Variants in PKHD1L1 observed in about 807,000 individuals in gnomAD.
PKHD1L1 encodes the protein PKHD1 like 1.
A neutral mutation model predicts 462.9 loss-of-function variants in PKHD1L1; 434 were observed. The observed-to-expected ratio is 0.94, with a 90% CI of 0.87 to 1.02. The LOEUF is 1.02. Ranked by LOEUF, PKHD1L1 falls within the 50% of genes least tolerant of loss-of-function variation. The pLI, the probability that PKHD1L1 is intolerant of heterozygous loss-of-function variation, is 0.00. For synonymous variants in PKHD1L1, 1,781 were observed against 1,750.0 expected (o/e 1.02, Z -0.44); for missense variants, 5,202 against 5,096.1 (o/e 1.02, Z -0.63).
At chr8:109,474,986 T>G in intron 50 of PKHD1L1, 132 bp from the exon 51 acceptor site, 1 of 685,796 alleles carries the variant, frequency 1.5e-6, no homozygotes, top group Non-Finnish European at 2.3e-6. Flanking sequence ...TGTCATAGAC[T>G]AAACCAATAT....
chr8:109,420,530 G>A lies in PKHD1L1; in HGVS notation c.2537G>A (p.Arg846Lys). ...TTATATTCTTTAGAAATGCCCAAGA[G>A]AAGACTTCCTGCATTAGCAAATAAA... ...TISTLDEMPK[R>K]RLPALANKGI... The change falls in exon 23 of 78, where the codon AGA becomes AAA. Residue 846 changes from arginine (R) to lysine (K), a missense_variant. Physicochemically the swap from Arg to Lys is conservative, Grantham distance 26. Coordinates refer to ENST00000378402, the MANE Select transcript of PKHD1L1 (RefSeq NM_177531.6). 1.9e-6 allele frequency: 3 copies of A among 1,583,354 alleles called. No individual in the cohort carries two copies. Among genetic ancestry groups the A allele is most frequent in the Non-Finnish European group, 2.6e-6 (3 of 1,168,562 alleles).
chr8:109,382,657 A>G (rs1812187465), intron 4 of PKHD1L1, 86 bp downstream of exon 4: 2 of 986,978 alleles, frequency 2.0e-6, no homozygotes, highest in African/African-American at 3.4e-5. Context: ...TTAGTTTTAT[A>G]GACTATTTCC....
chr8:109,483,231 G>T, intron 57 of PKHD1L1, 126 bp downstream of exon 57: 2 of 668,040 alleles, frequency 3.0e-6, no homozygotes, highest in Non-Finnish European at 4.5e-6. Flanking sequence ...TGTGTATTTT[G>T]CAATAAGCTT....
intron 23 of PKHD1L1, among the ~76,000 whole-genome samples, chr8:109,421,767 G>A (rs1814485515): frequency 6.6e-6 from 1 of 151,962 alleles, no homozygotes; most frequent in African/African-American, 2.4e-5. Context: ...CTCGGCGACA[G>A]AGCGAGACTC....
At chr8:109,444,115 T>TCCC (rs112180968) in intron 37 of PKHD1L1, among the ~76,000 whole-genome samples, 7 of 126,808 alleles carry the variant, frequency 5.5e-5, no homozygotes, top group African/African-American at 2.0e-4. Context: ...TTTCATTACC[T>TCCC]CCCCCCCCCA....
chr8:109,506,574 A>G (rs899364402), intron 68 of PKHD1L1, among the ~76,000 whole-genome samples: 1 of 152,220 alleles, frequency 6.6e-6, no homozygotes, highest in South Asian at 2.1e-4. Context: ...AAGAGCCCAA[A>G]GCCACAACAT....
intron 32 of PKHD1L1, among the ~76,000 whole-genome samples, chr8:109,440,476 T>A (rs1815714776): frequency 6.6e-6 from 1 of 152,128 alleles, no homozygotes. Flanking sequence ...CATCTCAAAT[T>A]CTTCTGCCAT....
rs866115531 is a variant in PKHD1L1 at position 109,526,724 on chromosome 8, C to T, written c.12485-60C>T. 22 of 1,346,662 alleles carry T rather than the reference C, an allele frequency of 1.6e-5. No individual in the cohort carries two copies. In the South Asian group the frequency reaches 2.1e-4, roughly 13 times the overall value. 83.4% of individuals were successfully genotyped at this position (1,346,662 alleles called of 1,614,324 possible). A position where few individuals can be genotyped will look rare whatever the true frequency, so the allele number is the denominator to read the frequency against. On this transcript the variant is annotated intron_variant, in intron 76 of 77. Coordinates refer to ENST00000378402, the MANE Select transcript of PKHD1L1 (RefSeq NM_177531.6). ...TCAGTCAATGAAAATCAAATGGGAACGGTATGAAAACAAGTAAAACATAAA... is the reference window on the plus strand; with the variant it reads ...TCAGTCAATGAAAATCAAATGGGAATGGTATGAAAACAAGTAAAACATAAA...
At chr8:109,450,129 G>A (rs1563579) in intron 40 of PKHD1L1, among the ~76,000 whole-genome samples, 104,792 of 152,072 alleles carry the variant, frequency 0.69, 37,631 homozygotes, top group African/African-American at 0.9. Context: ...AACCCTAGCC[G>A]AGTAACTTCT....
At chr8:109,428,202 T>C (rs1814880697) in intron 25 of PKHD1L1, among the ~76,000 whole-genome samples, 2 of 152,126 alleles carry the variant, frequency 1.3e-5, no homozygotes, top group African/African-American at 4.8e-5. Context: ...TATATAACTC[T>C]ATTCTACTGA....
intron 46 of PKHD1L1, among the ~76,000 whole-genome samples, chr8:109,457,142 T>C (rs1423010836): frequency 6.6e-6 from 1 of 152,138 alleles, no homozygotes; most frequent in African/African-American, 2.4e-5. Context: ...TTGTGATTAT[T>C]AGGAAATGAA....
In PKHD1L1 at chr8:109,522,197, T is replaced by C. The variant is rs768577771; in HGVS notation, c.12043T>C (p.Leu4015=). 1 of 1,600,592 alleles carries C rather than the reference T, an allele frequency of 6.2e-7. No homozygotes were observed. Among genetic ancestry groups the C allele is most frequent in the Non-Finnish European group, 8.6e-7 (1 of 1,169,054 alleles). Residue 4015 remains leucine (L), a synonymous_variant, in exon 74 of 78, where the codon TTA becomes CTA. Coordinates refer to ENST00000378402, the MANE Select transcript of PKHD1L1 (RefSeq NM_177531.6). Reference sequence around the variant, plus strand: ...ACTTTTCCCCATAGGTCAGATGCAGTTATCTGAACTCCAGGAAATTGCTGG... The same window carrying C: ...ACTTTTCCCCATAGGTCAGATGCAGCTATCTGAACTCCAGGAAATTGCTGG... ...ISNGTTGQMQ[L]SELQEIAGSL...
intron 47 of PKHD1L1, 120 bp from the exon 48 acceptor site, chr8:109,461,652 T>A: frequency 9.5e-7 from 1 of 1,056,964 alleles, no homozygotes; most frequent in Non-Finnish European, 1.3e-6. Flanking sequence ...CAAATAACTA[T>A]GTTCTAGGAT....
At chr8:109,491,182 A>G (rs1430081423) in intron 61 of PKHD1L1, 81 bp downstream of exon 61, 8 of 1,336,696 alleles carry the variant, frequency 6.0e-6, no homozygotes, top group East Asian at 2.5e-5. Context: ...ACACTGCCCA[A>G]TTGATCTTTC....
chr8:109,480,514 TA>T (rs759560765), intron 55 of PKHD1L1: 231 of 386,748 alleles, frequency 6.0e-4, no homozygotes, highest in Admixed American at 2.0e-3. Context: ...AAACAGTATT[TA>T]AAAAAAAAAC....
intron 50 of PKHD1L1, chr8:109,471,215 T>C: frequency 2.7e-6 from 2 of 742,906 alleles, no homozygotes; most frequent in Non-Finnish European, 4.1e-6. Flanking sequence ...AATCAGATGG[T>C]GTCATTTAGT....
At chr8:109,401,920 T>C (rs1188375479) in intron 14 of PKHD1L1, among the ~76,000 whole-genome samples, 1 of 152,182 alleles carries the variant, frequency 6.6e-6, no homozygotes, top group Non-Finnish European at 1.5e-5. Flanking sequence ...GCTGAGCTCT[T>C]CAGTATTGCT....
intron 42 of PKHD1L1, 89 bp from the exon 43 acceptor site, chr8:109,452,629 T>G (rs1816596263): frequency 1.5e-6 from 1 of 684,032 alleles, no homozygotes; most frequent in South Asian, 4.5e-5. Flanking sequence ...ATAAATATAT[T>G]TATATTGTAA....
At chr8:109,398,257 GA>G (rs1263595715) in intron 11 of PKHD1L1, among the ~76,000 whole-genome samples, 1 of 151,940 alleles carries the variant, frequency 6.6e-6, no homozygotes, top group Non-Finnish European at 1.5e-5. Flanking sequence ...TTTTCCACCA[GA>G]AAAAAATGTT....
Sources: allele counts gnomAD v4.1 joint callset (sites outside exome capture counted in the v4.1 genomes callset), GRCh38; gene constraint gnomAD v4.1.1; transcripts MANE v1.5; gene names NCBI Gene and HGNC (gene_info 2026-07-23, HGNC 2026-07-21).